Variants in HS3ST4 observed in about 807,000 individuals in gnomAD.
The protein encoded by HS3ST4 is heparan sulfate-glucosamine 3-sulfotransferase 4.
A neutral mutation model predicts 29.2 loss-of-function variants in HS3ST4; 17 were observed. The observed-to-expected ratio is 0.58, with a 90% CI of 0.40 to 0.87. The LOEUF is 0.87. Ranked by LOEUF, HS3ST4 falls within the 40% of genes least tolerant of loss-of-function variation. The pLI is 0.00. For missense variants in HS3ST4, 627 were observed against 634.5 expected, an observed-to-expected ratio of 0.99 and a Z score of 0.13; for synonymous variants, 314 against 285.7, an observed-to-expected ratio of 1.10 and a Z score of -1.00.
At chr16:26,017,933 A>G (rs559304299) in intron 1 of HS3ST4, among the ~76,000 whole-genome samples, 4 of 152,326 alleles carry the variant, frequency 2.6e-5, no homozygotes, top group African/African-American at 9.6e-5. Flanking sequence ...AACTTCCTAC[A>G]TGAATTTTCA....
At position 25,857,656 on chromosome 16, in the gene HS3ST4, A is replaced by G. The variant is rs371243411; in HGVS notation, c.734+164505A>G. 7.2e-4 allele frequency among the ~76,000 whole-genome samples: 109 copies of G among 152,304 alleles called. 4 individuals carry two copies. In the South Asian group the frequency reaches 0.022, roughly 31 times the overall value. ...TTCTATTGTGTCTTAAAGGTTTGAC[A>G]GGACTATCTGTCAAATGCCTGGGTT... On this transcript the variant is annotated intron_variant, in intron 1 of 1. Coordinates refer to ENST00000331351, the MANE Select transcript of HS3ST4 (RefSeq NM_006040.3).
At chr16:25,787,403 G>C (rs969134701) in intron 1 of HS3ST4, among the ~76,000 whole-genome samples, 7 of 152,230 alleles carry the variant, frequency 4.6e-5, no homozygotes, top group Admixed American at 1.3e-4. Context: ...ACATACAGTT[G>C]AGTGGAGCTG....
intron 1 of HS3ST4, among the ~76,000 whole-genome samples, chr16:26,116,783 C>A (rs1214523304): frequency 1.3e-5 from 2 of 152,146 alleles, no homozygotes. Flanking sequence ...GTGTAAGTAT[C>A]CCAAATCCAA....
chr16:26,040,841 G>T (rs1303029062), intron 1 of HS3ST4, among the ~76,000 whole-genome samples: 1 of 151,964 alleles, frequency 6.6e-6, no homozygotes, highest in Non-Finnish European at 1.5e-5. Context: ...TGCCTTAAGA[G>T]GTATGCATCC....
intron 1 of HS3ST4, among the ~76,000 whole-genome samples, chr16:25,920,373 G>T (rs183770774): frequency 6.6e-6 from 1 of 151,982 alleles, no homozygotes; most frequent in South Asian, 2.1e-4. Context: ...ACCCTACGGG[G>T]CCCTCCATGA....
intron 1 of HS3ST4, among the ~76,000 whole-genome samples, chr16:25,794,219 A>G (rs1250506753): frequency 1.3e-5 from 2 of 152,102 alleles, no homozygotes; most frequent in Non-Finnish European, 2.9e-5. Flanking sequence ...TTGCATGATC[A>G]TTGTCATGCA....
chr16:26,037,291 G>A (rs1359427051), intron 1 of HS3ST4, among the ~76,000 whole-genome samples: 1 of 152,176 alleles, frequency 6.6e-6, no homozygotes, highest in Non-Finnish European at 1.5e-5. Flanking sequence ...CCTCCCTCTG[G>A]ACCTTCATGT....
At chr16:25,938,936 G>C (rs143238801) in intron 1 of HS3ST4, among the ~76,000 whole-genome samples, 1 of 152,166 alleles carries the variant, frequency 6.6e-6, no homozygotes, top group Admixed American at 6.5e-5. Context: ...TAAACCAGAC[G>C]TTCTGCAAGG....
At chr16:25,857,911 C>CTTTCTTTCTTT (rs1567257053) in intron 1 of HS3ST4, among the ~76,000 whole-genome samples, 29 of 73,214 alleles carry the variant, frequency 4.0e-4, no homozygotes, top group East Asian at 1.2e-3. Context: ...TTCCTTCCTT[C>CTTTCTTTCTTT]CTTCCTTCCT....
At chr16:26,130,497 C>T (rs963609155) in intron 1 of HS3ST4, among the ~76,000 whole-genome samples, 24 of 152,058 alleles carry the variant, frequency 1.6e-4, no homozygotes, top group East Asian at 3.9e-4. Flanking sequence ...CTGTGTTTGG[C>T]GCTGGGGATA....
At chr16:25,832,143 C>T (rs538677017) in intron 1 of HS3ST4, among the ~76,000 whole-genome samples, 15 of 152,192 alleles carry the variant, frequency 9.9e-5, no homozygotes, top group African/African-American at 2.6e-4. Context: ...TCCCATATAT[C>T]CTCTTTTTCA....
chr16:25,878,446 A>G (rs1342634658), intron 1 of HS3ST4, among the ~76,000 whole-genome samples: 2 of 152,184 alleles, frequency 1.3e-5, no homozygotes, highest in Non-Finnish European at 2.9e-5. Context: ...TGGTACCCAA[A>G]CTTACAATGA....
chr16:25,714,749 T>G (rs1966440476), intron 1 of HS3ST4, among the ~76,000 whole-genome samples: 1 of 152,226 alleles, frequency 6.6e-6, no homozygotes, highest in South Asian at 2.1e-4. Context: ...TCTAGCTCGT[T>G]ATTTGGTAGT....
At chr16:26,049,296 G>C (rs112375312) in intron 1 of HS3ST4, among the ~76,000 whole-genome samples, 8 of 151,274 alleles carry the variant, frequency 5.3e-5, no homozygotes, top group African/African-American at 1.9e-4. Context: ...GGCAAGGTGA[G>C]GGGGGAGGAA....
intron 1 of HS3ST4, among the ~76,000 whole-genome samples, chr16:25,995,439 G>A (rs1969151042): frequency 6.6e-6 from 1 of 152,126 alleles, no homozygotes; most frequent in Admixed American, 6.6e-5. Flanking sequence ...GCACAAGATG[G>A]CCTCTGGCAG....
intron 1 of HS3ST4, among the ~76,000 whole-genome samples, chr16:26,116,838 A>G (rs1482509328): frequency 2.0e-5 from 3 of 152,256 alleles, no homozygotes; most frequent in Non-Finnish European, 4.4e-5. Context: ...CTTTTTAAGC[A>G]TCAATGTGAT....
intron 1 of HS3ST4, among the ~76,000 whole-genome samples, chr16:25,835,231 C>T (rs868475957): frequency 6.6e-6 from 1 of 152,156 alleles, no homozygotes; most frequent in Non-Finnish European, 1.5e-5. Flanking sequence ...GGCAGCTTTC[C>T]TTCCCCCGTT....
At chr16:25,720,002 T>C (rs1221971868) in intron 1 of HS3ST4, among the ~76,000 whole-genome samples, 1 of 152,190 alleles carries the variant, frequency 6.6e-6, no homozygotes, top group Non-Finnish European at 1.5e-5. Flanking sequence ...ATGGAACTTA[T>C]ATTCTATGGG....
intron 1 of HS3ST4, among the ~76,000 whole-genome samples, chr16:25,714,287 C>T (rs117146942): frequency 1.3e-4 from 20 of 152,334 alleles, no homozygotes; most frequent in African/African-American, 3.1e-4. Context: ...ATTCGCCAGA[C>T]GGGAACCACT....
Sources: allele counts gnomAD v4.1 joint callset (sites outside exome capture counted in the v4.1 genomes callset), GRCh38; gene constraint gnomAD v4.1.1; transcripts MANE v1.5; gene names NCBI Gene and HGNC (gene_info 2026-07-23, HGNC 2026-07-21).